The following MAD1L1 variants were observed in gnomAD, a reference collection of about 807,000 sequenced individuals.
The protein encoded by MAD1L1 is mitotic spindle assembly checkpoint protein MAD1.
Under a neutral mutation model 96.9 loss-of-function variants are expected in MAD1L1, and 95 were observed. The observed-to-expected ratio is 0.98, with a 90% CI of 0.83 to 1.16. MAD1L1 has a LOEUF of 1.16. Among genes scored for constraint, MAD1L1 ranks in the 50% most tolerant of loss-of-function variants. The pLI is 0.00. For missense variants in MAD1L1, 1,007 were observed against 954.4 expected, an observed-to-expected ratio of 1.06 and a Z score of -0.73; for synonymous variants, 473 against 396.6, an observed-to-expected ratio of 1.19 and a Z score of -2.29.
At chr7:2,232,479 G>T (rs1482172253) in intron 1 of MAD1L1, among the ~76,000 whole-genome samples, 3 of 152,222 alleles carry the variant, frequency 2.0e-5, no homozygotes, top group Non-Finnish European at 4.4e-5. Context: ...CCAGGCGCCA[G>T]CTCAGGCCCC....
chr7:2,170,050 T>G (rs1790639733), intron 10 of MAD1L1, among the ~76,000 whole-genome samples: 1 of 152,132 alleles, frequency 6.6e-6, no homozygotes, highest in South Asian at 2.1e-4. Context: ...CCCGGACTCG[T>G]GCCCTCAGGT....
At chr7:1,980,316 T>A in intron 15 of MAD1L1, 137 bp downstream of exon 15, 2 of 663,920 alleles carry the variant, frequency 3.0e-6, no homozygotes, top group African/African-American at 1.8e-5. Context: ...GGGACACACC[T>A]GGGCGTATCC....
chr7:1,998,711 G>A (rs1398888349), intron 14 of MAD1L1, among the ~76,000 whole-genome samples: 1 of 152,090 alleles, frequency 6.6e-6, no homozygotes, highest in Non-Finnish European at 1.5e-5. Flanking sequence ...GAAGGCTCTG[G>A]GTGTGTCCCC....
intron 10 of MAD1L1, among the ~76,000 whole-genome samples, 196 bp downstream of exon 10, chr7:2,213,015 AG>A (rs1475027104): frequency 1.4e-4 from 21 of 152,372 alleles, no homozygotes; most frequent in African/African-American, 5.0e-4. Context: ...AGGCTTCAGC[AG>A]GATGAGTCAC....
At chr7:1,883,074 T>C (rs55765863) in intron 18 of MAD1L1, among the ~76,000 whole-genome samples, 51 of 115,640 alleles carry the variant, frequency 4.4e-4, no homozygotes, top group African/African-American at 1.1e-3. Flanking sequence ...AGCTCCTTAT[T>C]ACCAAACCTC....
chr7:2,230,393 C>G (rs1253024009), intron 2 of MAD1L1, 156 bp downstream of exon 2: 2 of 415,296 alleles, frequency 4.8e-6, no homozygotes, highest in African/African-American at 2.0e-5. Flanking sequence ...CTCAGTTGCA[C>G]ATGGACAGAT....
intron 16 of MAD1L1, among the ~76,000 whole-genome samples, chr7:1,953,849 C>A (rs940747513): frequency 2.0e-5 from 3 of 152,210 alleles, no homozygotes; most frequent in Non-Finnish European, 4.4e-5. Flanking sequence ...CCCCACGGGG[C>A]ACAGGTGCCG....
intron 11 of MAD1L1, among the ~76,000 whole-genome samples, chr7:2,095,395 G>C (rs1304591864): frequency 6.6e-6 from 1 of 152,186 alleles, no homozygotes; most frequent in East Asian, 1.9e-4. Context: ...AAAAAGAAAA[G>C]AAAAGAAAAA....
chr7:2,133,293 C>T (rs1405208854), intron 11 of MAD1L1, among the ~76,000 whole-genome samples: 2 of 151,830 alleles, frequency 1.3e-5, no homozygotes, highest in East Asian at 3.9e-4. Flanking sequence ...AGAGCTCACC[C>T]ATTTTCAATG....
intron 10 of MAD1L1, among the ~76,000 whole-genome samples, chr7:2,176,212 G>T (rs1331338918): frequency 6.6e-6 from 1 of 152,180 alleles, no homozygotes; most frequent in Non-Finnish European, 1.5e-5. Context: ...GCTGGGCATG[G>T]TGGCACATGC....
intron 11 of MAD1L1, among the ~76,000 whole-genome samples, chr7:2,129,815 C>T (rs1788424134): frequency 6.6e-6 from 1 of 152,232 alleles, no homozygotes; most frequent in African/African-American, 2.4e-5. Flanking sequence ...ATCCTGTCTA[C>T]ACACAAGGAA....
intron 4 of MAD1L1, among the ~76,000 whole-genome samples, chr7:2,225,113 T>G (rs757047720): frequency 1.2e-4 from 18 of 152,232 alleles, no homozygotes; most frequent in Non-Finnish European, 2.1e-4. Flanking sequence ...CAAGCATAAC[T>G]GATACCTGCC....
At position 2,014,430 on chromosome 7, in the gene MAD1L1, G is replaced by A. The variant is rs906113671; in HGVS notation, c.1359+72C>T. On this transcript the variant is annotated intron_variant, in intron 13 of 18. Transcript: ENST00000265854. Reference sequence around the variant, plus strand: ...GGGTCCAGACCTCCACCTCCCCGCCGCAGGCTCTGCCAAGGCCCACCGGGA... The same window carrying A: ...GGGTCCAGACCTCCACCTCCCCGCCACAGGCTCTGCCAAGGCCCACCGGGA... The A allele has an allele frequency of 8.8e-6, 13 of 1,480,498 alleles. No homozygotes were observed. In the East Asian group the frequency reaches 2.7e-4, roughly 31 times the overall value. 91.7% of individuals were successfully genotyped at this position (1,480,498 alleles called of 1,614,324 possible).
At chr7:2,075,249 T>C (rs1186611590) in intron 11 of MAD1L1, among the ~76,000 whole-genome samples, 1 of 152,172 alleles carries the variant, frequency 6.6e-6, no homozygotes, top group Non-Finnish European at 1.5e-5. Context: ...GCCCCCCATC[T>C]AGCGTTTCAG....
chr7:1,927,857 CAG>C (rs950943569), intron 17 of MAD1L1, among the ~76,000 whole-genome samples: 30 of 152,194 alleles, frequency 2.0e-4, no homozygotes, highest in Non-Finnish European at 2.2e-4. Context: ...CCGAGGAACA[CAG>C]GGTCAGAAAA....
chr7:2,137,358 C>T (rs973825574), intron 11 of MAD1L1, among the ~76,000 whole-genome samples: 1 of 152,246 alleles, frequency 6.6e-6, no homozygotes, highest in Non-Finnish European at 1.5e-5. Context: ...CTGACCCAAG[C>T]ACCCTCTTCT....
chr7:1,908,048 G>A (rs1413593347), intron 17 of MAD1L1, among the ~76,000 whole-genome samples: 1 of 152,232 alleles, frequency 6.6e-6, no homozygotes, highest in Non-Finnish European at 1.5e-5. Flanking sequence ...GCAGACATGG[G>A]TGACCAGACA....
chr7:2,184,381 G>A (rs973257045), intron 10 of MAD1L1, among the ~76,000 whole-genome samples: 2 of 152,114 alleles, frequency 1.3e-5, no homozygotes, highest in East Asian at 3.9e-4. Flanking sequence ...ATAAATAAAG[G>A]ATGTTTTAAA....
At position 2,082,522 on chromosome 7, in the gene MAD1L1, G is replaced by GCT. The variant is rs533537775; in HGVS notation, c.1074-13186_1074-13185dup. 2.4e-4 allele frequency among the ~76,000 whole-genome samples: 36 copies of GCT among 152,302 alleles called. No homozygotes were observed. The South Asian group carries it at 7.5e-3, about 32-fold the overall frequency. On this transcript the variant is annotated intron_variant, in intron 11 of 18. Coordinates refer to ENST00000265854, the MANE Select transcript of MAD1L1 (RefSeq NM_001013836.2). The stretch of plus-strand genomic sequence containing the variant: ...TCAGAGCCGTGAGGCATGGAGCTGG[G>GCT]CTCTGGCCGGCGTCGCCGGGTCTGG...
Sources: gnomAD v4.1 joint callset for allele counts (sites outside exome capture counted in the v4.1 genomes callset) on GRCh38, gnomAD v4.1.1 for gene constraint, MANE v1.5 for transcripts, NCBI Gene and HGNC (gene_info 2026-07-23, HGNC 2026-07-21) for gene names.